BACH2: variants seen among roughly 807,000 people sequenced by gnomAD.
BACH2 encodes the protein transcription regulator protein BACH2.
BACH2 carries 5 observed loss-of-function variants against 61.8 expected under a neutral mutation model. That is an observed-to-expected ratio of 0.08 (90% CI 0.04 to 0.17). BACH2 has a LOEUF of 0.17. BACH2 is among the 10% of genes least tolerant of loss of function. The probability of loss-of-function intolerance (pLI) is 1.00; values close to 1 mark genes in which losing one functional copy is unlikely to be tolerated. For missense variants in BACH2, 824 were observed against 1,091.1 expected, an observed-to-expected ratio of 0.76 and a Z score of 3.45; for synonymous variants, 446 against 440.1, an observed-to-expected ratio of 1.01 and a Z score of -0.17.
intron 6 of BACH2, among the ~76,000 whole-genome samples, chr6:89,959,342 G>T (rs910567425): frequency 6.6e-6 from 1 of 152,046 alleles, no homozygotes; most frequent in Non-Finnish European, 1.5e-5. Flanking sequence ...GGCCTGACTC[G>T]AATCCCCATG....
At chr6:90,013,600 G>A (rs555758577) in intron 5 of BACH2, among the ~76,000 whole-genome samples, 3 of 151,018 alleles carry the variant, frequency 2.0e-5, no homozygotes, top group Admixed American at 2.0e-4. Flanking sequence ...TCTGCCTCCT[G>A]GGTTCACGCC....
At chr6:90,230,994 T>C (rs1280348718) in intron 3 of BACH2, among the ~76,000 whole-genome samples, 1 of 152,050 alleles carries the variant, frequency 6.6e-6, no homozygotes, top group Admixed American at 6.6e-5. Flanking sequence ...GGATGAGGAA[T>C]GTGGTACCCT....
In BACH2 at chr6:90,008,926, G is replaced by A; in HGVS notation, c.-12-70C>T. 6.5e-7 allele frequency: 1 copy of A among 1,541,224 alleles called. No homozygotes were observed. The highest frequency in any genetic ancestry group is 1.2e-5 in the South Asian group (1 of 81,460). ...GTCACCACAGCTGTAGGATCAGAGA[G>A]AGGAGGTGAGAAAGAACATCATGGT... On this transcript the variant is annotated intron_variant, in intron 5 of 8. Transcript: ENST00000257749. This position sits in a 1 kb window ranked among gnomAD's most constrained non-coding sequence, Gnocchi z 4.1.
Position 89,932,272 on chromosome 6 carries a change from A to G in BACH2, c.*136T>C. 4 of 1,154,698 alleles carry G rather than the reference A, an allele frequency of 3.5e-6. No individual in the cohort carries two copies. The highest frequency in any genetic ancestry group is 4.9e-6 in the Non-Finnish European group (4 of 812,066). The allele number at this position is 1,154,698 out of a possible 1,614,324, so 71.5% of individuals were successfully genotyped here. ...AGAGGAGAGGATACTTCGGAACAGT[A>G]TTGCTGCTAAGACCGCTGTAGTGTG... On this transcript the variant is annotated 3_prime_UTR_variant, in exon 9 of 9. Coordinates refer to ENST00000257749, the MANE Select transcript of BACH2 (RefSeq NM_021813.4).
chr6:90,237,516 TACTC>T (rs1770299947), intron 3 of BACH2, among the ~76,000 whole-genome samples: 1 of 152,220 alleles, frequency 6.6e-6, no homozygotes, highest in Non-Finnish European at 1.5e-5. Flanking sequence ...ATAATGTTAA[TACTC>T]ACGGTGAATG....
intron 5 of BACH2, among the ~76,000 whole-genome samples, chr6:90,073,156 T>C (rs1223223729): frequency 6.6e-6 from 1 of 152,232 alleles, no homozygotes; most frequent in Admixed American, 6.5e-5. Flanking sequence ...CAATGGCGTA[T>C]TCTTGCTCGA....
At chr6:89,984,362 T>G (rs1776122073) in intron 6 of BACH2, among the ~76,000 whole-genome samples, 1 of 152,030 alleles carries the variant, frequency 6.6e-6, no homozygotes, top group Non-Finnish European at 1.5e-5. Context: ...AAATTAGTCC[T>G]AAACAAGTAA....
chr6:90,070,575 G>A (rs560919849), intron 5 of BACH2, among the ~76,000 whole-genome samples: 4 of 152,196 alleles, frequency 2.6e-5, no homozygotes, highest in African/African-American at 9.6e-5. Flanking sequence ...AAAATCTTAG[G>A]GCTATCTGGT....
At chr6:89,997,292 G>A (rs1776903504) in intron 6 of BACH2, among the ~76,000 whole-genome samples, 1 of 152,182 alleles carries the variant, frequency 6.6e-6, no homozygotes, top group Admixed American at 6.5e-5. Flanking sequence ...TGAATTGAAT[G>A]CATTTAACTC....
At chr6:90,190,001 C>T (rs993228304) in intron 4 of BACH2, among the ~76,000 whole-genome samples, 6 of 151,896 alleles carry the variant, frequency 4.0e-5, no homozygotes, top group East Asian at 1.9e-4. Flanking sequence ...TGGAGTGCAA[C>T]GGCATGATCT....
intron 6 of BACH2, among the ~76,000 whole-genome samples, chr6:89,965,521 A>G (rs1243854969): frequency 2.0e-5 from 3 of 151,932 alleles, no homozygotes; most frequent in Non-Finnish European, 4.4e-5. Context: ...CTTCCTCCCC[A>G]CTCCATCACT....
chr6:90,225,139 C>T (rs1769869398), intron 3 of BACH2, among the ~76,000 whole-genome samples: 1 of 152,176 alleles, frequency 6.6e-6, no homozygotes, highest in South Asian at 2.1e-4. Flanking sequence ...AATCCCAGCA[C>T]TTTCTGAGGC....
intron 4 of BACH2, among the ~76,000 whole-genome samples, chr6:90,181,774 C>T (rs1428763251): frequency 1.3e-5 from 2 of 152,000 alleles, no homozygotes; most frequent in African/African-American, 4.8e-5. Flanking sequence ...TGATTGTAGA[C>T]ACAGTCTCAC....
At chr6:90,139,642 T>C (rs983817045) in intron 4 of BACH2, among the ~76,000 whole-genome samples, 1 of 152,166 alleles carries the variant, frequency 6.6e-6, no homozygotes, top group Non-Finnish European at 1.5e-5. Flanking sequence ...AAACCAACAG[T>C]CCTTCAACAG....
intron 6 of BACH2, among the ~76,000 whole-genome samples, chr6:89,957,473 T>A (rs547713138): frequency 1.2e-4 from 19 of 152,304 alleles, no homozygotes; most frequent in Non-Finnish European, 2.5e-4. Flanking sequence ...CAAGGGATCC[T>A]CCTGCCTCAG....
At chr6:89,997,358 C>T (rs922773674) in intron 6 of BACH2, among the ~76,000 whole-genome samples, 1 of 152,210 alleles carries the variant, frequency 6.6e-6, no homozygotes, top group Non-Finnish European at 1.5e-5. Flanking sequence ...CCCTTAGTAA[C>T]TTCAGTTATC....
At position 89,983,466 on chromosome 6, in the gene BACH2, C is replaced by A. The variant is rs377259506; in HGVS notation, c.243+25136G>T. Among the ~76,000 whole-genome samples, 37 of 152,184 alleles carry A rather than the reference C, an allele frequency of 2.4e-4. 2 individuals carry two copies. The highest frequency in any genetic ancestry group is 3.4e-3 in the Middle Eastern group (1 of 294). On this transcript the variant is annotated intron_variant, in intron 6 of 8. Transcript: ENST00000257749. ...GGCAGATCACCTGAGGTCAGGAGTT[C>A]GAGACCAGCCTGGCCAATGTGGTGA...
chr6:90,147,847 CA>C (rs1166753476), intron 4 of BACH2, among the ~76,000 whole-genome samples: 1 of 151,554 alleles, frequency 6.6e-6, no homozygotes, highest in Non-Finnish European at 1.5e-5. Context: ...AATGATGTTT[CA>C]AAAAATTTTT....
chr6:89,943,514 A>G (rs1264950998), intron 7 of BACH2, among the ~76,000 whole-genome samples: 1 of 152,138 alleles, frequency 6.6e-6, no homozygotes, highest in African/African-American at 2.4e-5. Context: ...GGGAAAAAAA[A>G]TTCTCATCCC....
Sources: allele counts gnomAD v4.1 joint callset (sites outside exome capture counted in the v4.1 genomes callset), GRCh38; gene constraint gnomAD v4.1.1; non-coding constraint Gnocchi (gnomAD v3.1); transcripts MANE v1.5; gene names NCBI Gene and HGNC (gene_info 2026-07-23, HGNC 2026-07-21).